The following PRKCE variants were observed in gnomAD, a reference collection of about 807,000 sequenced individuals.
The protein encoded by PRKCE is protein kinase C epsilon.
Under a neutral mutation model 85.4 loss-of-function variants are expected in PRKCE, and 16 were observed. The observed-to-expected ratio is 0.19, with a 90% CI of 0.13 to 0.28. PRKCE has a LOEUF of 0.28. Among genes scored for constraint, PRKCE ranks in the 10% least tolerant of loss-of-function variants. PRKCE has a pLI of 1.00. For missense variants in PRKCE, 573 were observed against 975.2 expected (o/e 0.59, Z 5.49); for synonymous variants, 388 against 371.5 (o/e 1.04, Z -0.51).
intron 12 of PRKCE, among the ~76,000 whole-genome samples, chr2:46,149,449 A>G (rs1036247481): frequency 6.6e-6 from 1 of 152,180 alleles, no homozygotes; most frequent in Non-Finnish European, 1.5e-5. Flanking sequence ...GGGCAGAGCC[A>G]TGCCTAATCC....
chr2:45,829,966 G>C (rs544143300), intron 1 of PRKCE, among the ~76,000 whole-genome samples: 356 of 151,124 alleles, frequency 2.4e-3, no homozygotes, highest in Non-Finnish European at 3.6e-3. Flanking sequence ...CCAGCTACTC[G>C]GGAGGCTGAG....
At position 46,001,444 on chromosome 2, in the gene PRKCE, G is replaced by C. The variant is rs369429272; in HGVS notation, c.864G>C (p.Val288=). Residue 288 remains valine (V), a synonymous_variant, in exon 7 of 15, where the codon GTG becomes GTC. Coordinates refer to ENST00000306156, the MANE Select transcript of PRKCE (RefSeq NM_005400.3). This position sits in a 1 kb window ranked among gnomAD's most constrained non-coding sequence, Gnocchi z 4.4. Reference sequence around the variant, plus strand: ...TTCACCGTCGATGTGAGACCAACGTGGCTCCCAACTGTGGAGTGGATGCCA... The same window carrying C: ...TTCACCGTCGATGTGAGACCAACGTCGCTCCCAACTGTGGAGTGGATGCCA... ...MNVHRRCETN[V]APNCGVDARG... The C allele has an allele frequency of 6.9e-6, 11 of 1,599,258 alleles. No individual in the cohort carries two copies. Among genetic ancestry groups the C allele is most frequent in the Non-Finnish European group, 9.3e-6 (11 of 1,179,784 alleles).
At chr2:45,818,301 A>T (rs1020069239) in intron 1 of PRKCE, among the ~76,000 whole-genome samples, 3 of 152,208 alleles carry the variant, frequency 2.0e-5, no homozygotes, top group African/African-American at 7.2e-5. Flanking sequence ...GTAGATTTCT[A>T]TCTTTTTTGG....
At chr2:45,800,558 C>G (rs573920132) in intron 1 of PRKCE, among the ~76,000 whole-genome samples, 2 of 152,294 alleles carry the variant, frequency 1.3e-5, no homozygotes, top group Admixed American at 1.3e-4. Flanking sequence ...TTGAGGGCAG[C>G]CTTCACTCCT....
At chr2:46,094,449 A>G (rs1197661849) in intron 11 of PRKCE, among the ~76,000 whole-genome samples, 1 of 152,254 alleles carries the variant, frequency 6.6e-6, no homozygotes, top group East Asian at 1.9e-4. Context: ...ATTAAAAAGA[A>G]TCTTCAGATG....
chr2:45,903,813 A>G (rs1011292237), intron 2 of PRKCE, among the ~76,000 whole-genome samples: 6 of 151,338 alleles, frequency 4.0e-5, no homozygotes, highest in Non-Finnish European at 5.9e-5. Context: ...CCCTCTTCCC[A>G]CCTCATCACT....
intron 10 of PRKCE, among the ~76,000 whole-genome samples, chr2:46,060,340 C>T (rs1354924500): frequency 3.3e-5 from 5 of 152,154 alleles, no homozygotes; most frequent in Non-Finnish European, 5.9e-5. Context: ...GGGCACTGCC[C>T]GGGCAGCCCA....
At chr2:46,136,793 A>G (rs1227278269) in intron 11 of PRKCE, among the ~76,000 whole-genome samples, 1 of 151,768 alleles carries the variant, frequency 6.6e-6, no homozygotes, top group Non-Finnish European at 1.5e-5. Flanking sequence ...GCACAGTGTC[A>G]CTCCCCAGTC....
intron 11 of PRKCE, among the ~76,000 whole-genome samples, chr2:46,137,140 C>A (rs1219738556): frequency 1.3e-5 from 2 of 152,184 alleles, no homozygotes; most frequent in African/African-American, 4.8e-5. Flanking sequence ...TCATTCCATC[C>A]TGGCAATCCT....
chr2:45,955,884 T>C (rs1038869535), intron 2 of PRKCE, among the ~76,000 whole-genome samples: 4 of 152,194 alleles, frequency 2.6e-5, no homozygotes, highest in African/African-American at 9.7e-5. Context: ...CATACAGTCG[T>C]ATAACCATTA....
chr2:45,979,296 G>A (rs1001882352), intron 4 of PRKCE, among the ~76,000 whole-genome samples: 1 of 152,186 alleles, frequency 6.6e-6, no homozygotes, highest in Non-Finnish European at 1.5e-5. Flanking sequence ...CTTTCTGAAT[G>A]AGACATTCTG....
intron 10 of PRKCE, among the ~76,000 whole-genome samples, chr2:46,027,025 C>G (rs1289126770): frequency 2.0e-5 from 3 of 152,068 alleles, no homozygotes; most frequent in Non-Finnish European, 4.4e-5. Flanking sequence ...TTAAATTAGC[C>G]TGGCACGGTG....
intron 1 of PRKCE, among the ~76,000 whole-genome samples, chr2:45,822,907 C>T (rs1183191908): frequency 1.3e-5 from 2 of 152,148 alleles, no homozygotes; most frequent in South Asian, 2.1e-4. Flanking sequence ...GTAGGGTATA[C>T]GATTGGTATG....
Position 45,867,153 on chromosome 2 carries a change from C to T in PRKCE, c.412+24090C>T, listed in dbSNP as rs554936922. 5.3e-5 allele frequency among the ~76,000 whole-genome samples: 8 copies of T among 152,276 alleles called. No homozygotes were observed. The South Asian group carries it at 1.7e-3, about 32-fold the overall frequency. ...AAGAATGATTGTCCTGCTTGCCTCT[C>T]AGACGTGTAGCAAAATCCAGACAGA... is the stretch of plus-strand genomic sequence containing the variant. On this transcript the variant is annotated intron_variant, in intron 2 of 14. Coordinates refer to ENST00000306156, the MANE Select transcript of PRKCE (RefSeq NM_005400.3).
intron 2 of PRKCE, among the ~76,000 whole-genome samples, chr2:45,932,697 T>C (rs1192051383): frequency 1.3e-5 from 2 of 152,236 alleles, no homozygotes; most frequent in Admixed American, 1.3e-4. Flanking sequence ...TTAGTGTGTT[T>C]ATGTTACTGG....
intron 14 of PRKCE, among the ~76,000 whole-genome samples, chr2:46,168,962 CAG>C (rs1171509614): frequency 6.6e-6 from 1 of 152,182 alleles, no homozygotes; most frequent in East Asian, 1.9e-4. Context: ...CCAGGAGGGA[CAG>C]GGGTCAGAGC....
chr2:46,037,694 A>G (rs938846469), intron 10 of PRKCE, among the ~76,000 whole-genome samples: 8 of 152,304 alleles, frequency 5.3e-5, no homozygotes, highest in Middle Eastern at 3.4e-3. Context: ...TTGTAGGGCT[A>G]TTGTTCCTTC....
At chr2:46,170,870 A>G (rs973730254) in intron 14 of PRKCE, among the ~76,000 whole-genome samples, 1 of 152,222 alleles carries the variant, frequency 6.6e-6, no homozygotes, top group Non-Finnish European at 1.5e-5. Context: ...TTCCTAAATA[A>G]GTGGGGGAGA....
chr2:46,179,961 C>T (rs1241894634), intron 14 of PRKCE, among the ~76,000 whole-genome samples: 3 of 152,160 alleles, frequency 2.0e-5, no homozygotes, highest in Admixed American at 2.0e-4. Context: ...AAGAGAGGTG[C>T]ATTTATTAAT....
Sources: gnomAD v4.1 joint callset for allele counts (sites outside exome capture counted in the v4.1 genomes callset) on GRCh38, gnomAD v4.1.1 for gene constraint, Gnocchi (gnomAD v3.1) non-coding constraint, MANE v1.5 for transcripts, NCBI Gene and HGNC (gene_info 2026-07-23, HGNC 2026-07-21) for gene names.